Variants in ZNF529 observed in about 807,000 individuals in gnomAD.
The protein encoded by ZNF529 is zinc finger protein 529.
In ZNF529, 11 loss-of-function variants were observed where a neutral mutation model predicts 10.1. That is an observed-to-expected ratio of 1.09 (90% CI 0.69 to 1.81). The LOEUF (loss-of-function observed/expected upper bound fraction) is 1.81. Among genes scored for constraint, ZNF529 ranks in the 40% most tolerant of loss-of-function variants. The probability of loss-of-function intolerance (pLI) is 0.00; values close to 1 mark genes in which losing one functional copy is unlikely to be tolerated. For synonymous variants in ZNF529, 204 were observed against 215.7 expected (o/e 0.95, Z 0.47); for missense variants, 624 against 666.8 (o/e 0.94, Z 0.71).
intron 2 of ZNF529, among the ~76,000 whole-genome samples, chr19:36,588,516 C>A (rs2145264239): frequency 6.6e-6 from 1 of 152,186 alleles, no homozygotes; most frequent in South Asian, 2.1e-4. Context: ...CTGCCCTGTT[C>A]CCTAAGTGTA....
intron 2 of ZNF529, chr19:36,582,683 G>A (rs932406152): frequency 2.7e-5 from 4 of 146,520 alleles, no homozygotes; most frequent in African/African-American, 1.0e-4. Context: ...ACTCCAGGCT[G>A]GGTGACAGAG....
At chr19:36,576,801 G>C (rs1029067567), upstream of ZNF529, among the ~76,000 whole-genome samples, 7 of 151,748 alleles carry the variant, frequency 4.6e-5, no homozygotes, top group Non-Finnish European at 1.0e-4. Flanking sequence ...ATATTCCCTT[G>C]AATTAAATAA....
At position 36,547,185 on chromosome 19, in the gene ZNF529, A is replaced by G. The variant is rs370804865; in HGVS notation, c.1373T>C (p.Phe458Ser). 1.1e-5 allele frequency: 18 copies of G among 1,612,392 alleles called. No individual in the cohort carries two copies. The African/African-American group carries it at 1.3e-4, about 12-fold the overall frequency. ...AATAAGGGCTGACGTAAGTCTAAAG[A>G]ACTTTCCACACTCCTTACATTCATA... ...KPYECKECGK[F>S]FRLTSALIQH... The change falls in exon 5 of 5, where the codon TTC (phenylalanine) becomes TCC (serine). Residue 458 changes from phenylalanine to serine, a missense_variant. By Grantham distance (155) the Phe-to-Ser change is radical (BLOSUM62 -2). Coordinates refer to ENST00000591340, the MANE Select transcript of ZNF529 (RefSeq NM_020951.5).
In ZNF529 at chr19:36,547,580, G is replaced by A. The variant is rs751023532; in HGVS notation, c.978C>T (p.Thr326=). 18 of 1,613,758 alleles carry A rather than the reference G, an allele frequency of 1.1e-5. No homozygotes were observed. Among genetic ancestry groups the A allele is most frequent in the Middle Eastern group, 1.7e-4 (1 of 6,060 alleles). Residue 326 remains threonine (T), a synonymous_variant, in exon 5 of 5, where the codon ACC becomes ACT. Transcript: ENST00000591340. The stretch of plus-strand genomic sequence containing the variant: ...CACCAGTATGAATTCTCTGATGTTC[G>A]GTAAGCTGTGAATGAAATCTGAAGT... ...GKDFRFHSQL[T]EHQRIHTGEK... is the part of the protein sequence containing the mutation.
intron 4 of ZNF529, 51 bp from the exon 5 acceptor site, chr19:36,548,373 A>C (rs1455988541): frequency 6.9e-7 from 1 of 1,448,008 alleles, no homozygotes; most frequent in African/African-American, 1.4e-5. Flanking sequence ...TAAAACAGTT[A>C]TAGAAAGAAG....
chr19:36,547,525 T>C lies in ZNF529; in HGVS notation c.1033A>G (p.Lys345Glu). The C allele has an allele frequency of 6.2e-7, 1 of 1,613,320 alleles. No individual in the cohort carries two copies. Among genetic ancestry groups the C allele is most frequent in the Non-Finnish European group, 8.5e-7 (1 of 1,179,318 alleles). ...AGCTGTGAACTAATTCTAAAAACCT[T>C]CTCACAGTGCATACATTTGTAGGGT... The part of the protein sequence containing the change: ...EKPYKCMHCE[K>E]VFRISSQLIE... The change falls in exon 5 of 5, where the codon AAG (lysine) becomes GAG (glutamate). Residue 345 changes from lysine (K) to glutamate (E), a missense_variant. Physicochemically the swap from Lys to Glu is moderately conservative, Grantham distance 56 (BLOSUM62 1). Coordinates refer to ENST00000591340, the MANE Select transcript of ZNF529 (RefSeq NM_020951.5).
At chr19:36,579,320 C>T (rs1304089834) in intron 2 of ZNF529, among the ~76,000 whole-genome samples, 1 of 152,066 alleles carries the variant, frequency 6.6e-6, no homozygotes, top group East Asian at 1.9e-4. Flanking sequence ...ATAGTAGTAT[C>T]AGATAATAGG....
intron 2 of ZNF529, among the ~76,000 whole-genome samples, chr19:36,585,242 T>C (rs1184854671): frequency 1.3e-5 from 2 of 152,212 alleles, no homozygotes; most frequent in Admixed American, 6.5e-5. Context: ...CTCCCGTTAC[T>C]ACCAGTTTAA....
chr19:36,547,021 T>C lies in ZNF529; in HGVS notation c.1537A>G (p.Lys513Glu), dbSNP rs752665319. 4.6e-5 allele frequency: 75 copies of C among 1,613,926 alleles called. No homozygotes were observed. Among genetic ancestry groups the C allele is most frequent in the Non-Finnish European group, 6.3e-5 (74 of 1,179,958 alleles). The part of the protein sequence containing the change: ...EKPYECKACG[K>E]AFRHSSSFTK... ...AAGGATGAACTATGTCTAAAGGCCT[T>C]CCCACATGCCTTGCATTCATAGGGT... The change falls in exon 5 of 5, where the codon AAG becomes GAG. Residue 513 changes from lysine to glutamate, a missense_variant. Physicochemically the swap from Lys to Glu is moderately conservative, Grantham distance 56. Coordinates refer to ENST00000591340, the MANE Select transcript of ZNF529 (RefSeq NM_020951.5).
chr19:36,578,569 TGCTAGGATTATAG>T (rs1401663741), intron 2 of ZNF529, among the ~76,000 whole-genome samples: 1 of 151,474 alleles, frequency 6.6e-6, no homozygotes, highest in Non-Finnish European at 1.5e-5. Context: ...CCTCCAAAAG[TGCTAGGATTATAG>T]GCATGAGCCA....
Position 36,547,559 on chromosome 19 carries a change from A to G in ZNF529, c.999T>C (p.Thr333=). The G allele has an allele frequency of 1.2e-6, 2 of 1,614,002 alleles. No homozygotes were observed. Among genetic ancestry groups the G allele is most frequent in the African/African-American group, 1.3e-5 (1 of 75,066 alleles). ...SQLTEHQRIH[T]GEKPYKCMHC... ...GCATACATTTGTAGGGTTTCTCACC[A>G]GTATGAATTCTCTGATGTTCGGTAA... Residue 333 remains threonine, a synonymous_variant, in exon 5 of 5, where the codon ACT becomes ACC. Coordinates refer to ENST00000591340, the MANE Select transcript of ZNF529 (RefSeq NM_020951.5).
At chr19:36,590,434 G>A (rs1027529238) in intron 1 of ZNF529, among the ~76,000 whole-genome samples, 2 of 152,080 alleles carry the variant, frequency 1.3e-5, no homozygotes, top group Non-Finnish European at 2.9e-5. Context: ...TGGAGTTAAA[G>A]TAGGGATTCT....
intron 1 of ZNF529, among the ~76,000 whole-genome samples, chr19:36,598,469 A>T (rs1600374152): frequency 6.6e-6 from 1 of 151,820 alleles, no homozygotes; most frequent in Non-Finnish European, 1.5e-5. Flanking sequence ...CCTTGATTGC[A>T]CCACTGCAAC....
chr19:36,567,943 T>C (rs1180102941), intron 2 of ZNF529, among the ~76,000 whole-genome samples: 1 of 151,984 alleles, frequency 6.6e-6, no homozygotes, highest in African/African-American at 2.4e-5. Context: ...CCAGAATATA[T>C]AAAAACTCCT....
chr19:36,565,663 G>A (rs762137679), intron 2 of ZNF529, among the ~76,000 whole-genome samples: 1 of 152,048 alleles, frequency 6.6e-6, no homozygotes, highest in South Asian at 2.1e-4. Context: ...TTGTGCCACC[G>A]CTCTCATGCC....
rs2034995202 is a variant in ZNF529 at position 36,546,013 on chromosome 19, A to C, written c.*853T>G. The stretch of plus-strand genomic sequence containing the variant: ...TACACACTATATATATATAGTGCCC[A>C]GTATATAGTGTATATACTATATATA... On this transcript the variant is annotated 3_prime_UTR_variant, in exon 5 of 5. Transcript: ENST00000591340. 6.7e-6 allele frequency: 1 copy of C among 148,482 alleles called. No individual in the cohort carries two copies. The allele number at this position is 148,482 out of a possible 1,614,324, so 9.2% of individuals were successfully genotyped here. A position where few individuals can be genotyped will look rare whatever the true frequency, so the allele number is the denominator to read the frequency against.
At chr19:36,559,873 T>C (rs904993544) in intron 2 of ZNF529, among the ~76,000 whole-genome samples, 2 of 152,202 alleles carry the variant, frequency 1.3e-5, no homozygotes, top group African/African-American at 4.8e-5. Context: ...ACTGAATTTA[T>C]TGCTAGCTGA....
intron 2 of ZNF529, among the ~76,000 whole-genome samples, chr19:36,567,701 C>A (rs1600299159): frequency 6.6e-6 from 1 of 151,964 alleles, no homozygotes; most frequent in Non-Finnish European, 1.5e-5. Flanking sequence ...TATCTGCCTC[C>A]CAAAGTGCTG....
At chr19:36,560,391 GC>G in intron 2 of ZNF529, among the ~76,000 whole-genome samples, 1 of 152,026 alleles carries the variant, frequency 6.6e-6, no homozygotes, top group East Asian at 1.9e-4. Context: ...TATTTATTGG[GC>G]CCATAACATA....
Sources: gnomAD v4.1 joint callset for allele counts (sites outside exome capture counted in the v4.1 genomes callset) on GRCh38, gnomAD v4.1.1 for gene constraint, MANE v1.5 for transcripts, NCBI Gene and HGNC (gene_info 2026-07-23, HGNC 2026-07-21) for gene names.